Variants in TECR observed in about 807,000 individuals in gnomAD.
The protein encoded by TECR is trans-2,3-enoyl-CoA reductase, also known as very-long-chain enoyl-CoA reductase.
TECR carries 19 observed loss-of-function variants against 50.6 expected under a neutral mutation model. The observed-to-expected ratio is 0.38, with a 90% CI of 0.26 to 0.55. The LOEUF is 0.55. Ranked by LOEUF, TECR falls within the 20% of genes least tolerant of loss-of-function variation. TECR has a pLI of 0.79. For synonymous variants in TECR, 168 were observed against 163.5 expected, an observed-to-expected ratio of 1.03 and a Z score of -0.21; for missense variants, 313 against 408.3, an observed-to-expected ratio of 0.77 and a Z score of 2.01.
intron 1 of TECR, chr19:14,531,721 C>G (rs1201173995): frequency 1.3e-5 from 2 of 152,160 alleles, no homozygotes; most frequent in Non-Finnish European, 2.9e-5. Context: ...GGTGCCTAGC[C>G]CCTTAGAAGC....
At position 14,563,602 on chromosome 19, in the gene TECR, C is replaced by T. The variant is rs959045525; in HGVS notation, c.119-56C>T. 1.1e-4 allele frequency: 169 copies of T among 1,605,870 alleles called. No homozygotes were observed. Among genetic ancestry groups the T allele is most frequent in the South Asian group, 5.9e-4 (54 of 90,882 alleles). On this transcript the variant is annotated intron_variant, in intron 3 of 12. Transcript: ENST00000215567. The surrounding 1 kb of genome is among the most constrained non-coding windows in gnomAD (Gnocchi z 5.3). ...AGAAGCTGGCACAGTGGCTGGGCAG[C>T]GGACCGGCTGAGCCCTGCCAGGCTG...
At chr19:14,560,152 C>G (rs2073861008) in intron 1 of TECR, among the ~76,000 whole-genome samples, 1 of 152,226 alleles carries the variant, frequency 6.6e-6, no homozygotes, top group South Asian at 2.1e-4. Flanking sequence ...GCGTCCTCTC[C>G]CAGCAGCTAG....
intron 1 of TECR, among the ~76,000 whole-genome samples, chr19:14,533,375 G>A (rs572243652): frequency 6.1e-5 from 9 of 148,182 alleles, no homozygotes; most frequent in African/African-American, 2.2e-4. Flanking sequence ...AGCTGAGATC[G>A]CACCACTGCA....
intron 1 of TECR, among the ~76,000 whole-genome samples, chr19:14,536,267 G>GTTT (rs201416657): frequency 7.2e-6 from 1 of 138,044 alleles, no homozygotes; most frequent in Non-Finnish European, 1.6e-5. Context: ...TCTCGAGCTA[G>GTTT]TTTTTTTTTT....
intron 1 of TECR, among the ~76,000 whole-genome samples, chr19:14,561,511 G>A (rs1250339526): frequency 1.3e-5 from 2 of 152,174 alleles, no homozygotes; most frequent in Admixed American, 6.5e-5. Flanking sequence ...TCCTACCTCA[G>A]GGGCTGGCAC....
At chr19:14,545,195 A>G (rs559902420) in intron 1 of TECR, 88 of 456,602 alleles carry the variant, frequency 1.9e-4, no homozygotes, top group Non-Finnish European at 3.3e-4. Flanking sequence ...AACCTAAAGC[A>G]CTTGTCTTGG....
chr19:14,547,238 T>C (rs914637707), intron 1 of TECR, among the ~76,000 whole-genome samples: 1 of 152,224 alleles, frequency 6.6e-6, no homozygotes, highest in Non-Finnish European at 1.5e-5. Context: ...TGTAAATGTT[T>C]ATGTAAAATT....
At chr19:14,557,475 G>A (rs2073770722) in intron 1 of TECR, among the ~76,000 whole-genome samples, 1 of 146,492 alleles carries the variant, frequency 6.8e-6, no homozygotes, top group African/African-American at 2.5e-5. Context: ...ATTTTGAGAT[G>A]GAGTCTTGCT....
chr19:14,564,354 G>A, intron 7 of TECR, 67 bp downstream of exon 7: 1 of 885,638 alleles, frequency 1.1e-6, no homozygotes, highest in Non-Finnish European at 1.4e-6. Flanking sequence ...CGCCCCCACC[G>A]AGCCCCACCC....
intron 1 of TECR, among the ~76,000 whole-genome samples, chr19:14,547,305 A>G (rs551434771): frequency 2.0e-5 from 3 of 152,226 alleles, no homozygotes; most frequent in South Asian, 4.1e-4. Flanking sequence ...AAGCTTGGGT[A>G]AAAATATTAG....
In TECR at chr19:14,564,941, C is replaced by T; in HGVS notation, c.563-8C>T. 2 of 1,614,116 alleles carry T rather than the reference C, an allele frequency of 1.2e-6. No individual in the cohort carries two copies. The highest frequency in any genetic ancestry group is 8.5e-7 in the Non-Finnish European group (1 of 1,180,042). Reference sequence around the variant, plus strand: ...CCTCATGGGCTCCCCTCCCTGCTTCCTCTTCAGCCTACGGAGCTCAGCAGG... The same window carrying T: ...CCTCATGGGCTCCCCTCCCTGCTTCTTCTTCAGCCTACGGAGCTCAGCAGG... On this transcript the variant is annotated splice_region_variant and splice_polypyrimidine_tract_variant and intron_variant, in intron 8 of 12. Coordinates refer to ENST00000215567, the MANE Select transcript of TECR (RefSeq NM_138501.6).
chr19:14,547,303 G>A (rs1428650792), intron 1 of TECR, among the ~76,000 whole-genome samples: 1 of 152,138 alleles, frequency 6.6e-6, no homozygotes, highest in Non-Finnish European at 1.5e-5. Context: ...TAAAGCTTGG[G>A]TAAAAATATT....
chr19:14,533,397 G>T (rs113855478), intron 1 of TECR, among the ~76,000 whole-genome samples: 3,034 of 151,996 alleles, frequency 0.02, 87 homozygotes, highest in African/African-American at 0.065. Context: ...TCCAGCCTGG[G>T]TGACAAGAAC....
chr19:14,533,510 C>T (rs951903226), intron 1 of TECR, among the ~76,000 whole-genome samples: 1 of 152,088 alleles, frequency 6.6e-6, no homozygotes, highest in African/African-American at 2.4e-5. Context: ...AAGGTTGGCC[C>T]CTGGAGAGAC....
chr19:14,531,662 TCCAC>T (rs943404600), intron 1 of TECR: 3 of 152,170 alleles, frequency 2.0e-5, no homozygotes, highest in Non-Finnish European at 4.4e-5. Flanking sequence ...CCTCAGGTGA[TCCAC>T]CCACCTTGGC....
rs1288191702 is a variant in TECR at position 14,542,360 on chromosome 19, T to G, written c.15+12649T>G. Among the ~76,000 whole-genome samples, 6 of 128,426 alleles carry G rather than the reference T, an allele frequency of 4.7e-5. No homozygotes were observed. The East Asian group carries it at 6.6e-4, about 14-fold the overall frequency. 84.3% of individuals were successfully genotyped at this position (128,426 alleles called of 152,430 possible). On this transcript the variant is annotated intron_variant, in intron 1 of 12. Coordinates refer to ENST00000215567, the MANE Select transcript of TECR (RefSeq NM_138501.6). ...TCATGCCATAGTGTTTTTTTTTTTT[T>G]TTTTTTTTTTTTTTTTCTGAGATGG...
At chr19:14,559,362 C>G (rs762784648) in intron 1 of TECR, among the ~76,000 whole-genome samples, 5 of 152,168 alleles carry the variant, frequency 3.3e-5, no homozygotes, top group African/African-American at 4.8e-5. Flanking sequence ...CCCCTGGCCC[C>G]TCCAATTTGC....
At chr19:14,549,211 C>CTTTTTTTTTTT (rs561284094) in intron 1 of TECR, among the ~76,000 whole-genome samples, 9 of 111,160 alleles carry the variant, frequency 8.1e-5, no homozygotes, top group African/African-American at 1.8e-4. Flanking sequence ...TTTAATTGGA[C>CTTTTTTTTTTT]TTTTTTTTTT....
chr19:14,542,292 TC>T, intron 1 of TECR, among the ~76,000 whole-genome samples: 1 of 148,098 alleles, frequency 6.8e-6, no homozygotes, highest in Admixed American at 6.9e-5. Flanking sequence ...CCTAAAAGAT[TC>T]CCTATTGGAG....
Sources: allele counts gnomAD v4.1 joint callset (sites outside exome capture counted in the v4.1 genomes callset), GRCh38; gene constraint gnomAD v4.1.1; non-coding constraint Gnocchi (gnomAD v3.1); transcripts MANE v1.5; gene names NCBI Gene and HGNC (gene_info 2026-07-23, HGNC 2026-07-21).